The following TRPC4 variants were observed in gnomAD, a reference collection of about 807,000 sequenced individuals.
TRPC4 encodes short transient receptor potential channel 4.
TRPC4 carries 49 observed loss-of-function variants against 99.4 expected under a neutral mutation model. The ratio of observed to expected loss-of-function variants is 0.49; its 90% CI spans 0.39 to 0.63. The LOEUF (loss-of-function observed/expected upper bound fraction) is 0.63. Among genes scored for constraint, TRPC4 ranks in the 20% least tolerant of loss-of-function variants. TRPC4 has a pLI of 0.00. For synonymous variants in TRPC4, 454 were observed against 425.9 expected (o/e 1.07, Z -0.81); for missense variants, 898 against 1,152.9 (o/e 0.78, Z 3.20).
chr13:37,823,193 T>C (rs1419681006), intron 1 of TRPC4, among the ~76,000 whole-genome samples: 1 of 148,926 alleles, frequency 6.7e-6, no homozygotes, highest in Admixed American at 6.7e-5. Context: ...ATGAGTAGGT[T>C]GCGAAAATTT....
chr13:37,850,752 C>A (rs1260468620), intron 1 of TRPC4, among the ~76,000 whole-genome samples: 1 of 152,068 alleles, frequency 6.6e-6, no homozygotes, highest in Non-Finnish European at 1.5e-5. Flanking sequence ...AATAAATTAA[C>A]TTTTCTTAAA....
At chr13:37,713,110 C>T (rs1954538118) in intron 3 of TRPC4, among the ~76,000 whole-genome samples, 1 of 152,084 alleles carries the variant, frequency 6.6e-6, no homozygotes, top group South Asian at 2.1e-4. Context: ...ACCATGGAAG[C>T]CAGGTGAATT....
At position 37,812,176 on chromosome 13, in the gene TRPC4, C is replaced by CAAAAAAAAAAAAAAAAAAAAAAAAAAAAA. The variant is rs61607544; in HGVS notation, c.-27-28817_-27-28816insTTTTTTTTTTTTTTTTTTTTTTTTTTTTT. On this transcript the variant is annotated intron_variant, in intron 1 of 10. Coordinates refer to ENST00000379705, the MANE Select transcript of TRPC4 (RefSeq NM_016179.4). Reference sequence around the variant, plus strand: ...CCTAGGCAACAGACTGAGACTCTATCAAAAAAAAAAAAAAAAAAACCAGGA... The same window carrying CAAAAAAAAAAAAAAAAAAAAAAAAAAAAA: ...CCTAGGCAACAGACTGAGACTCTATCAAAAAAAAAAAAAAAAAAAAAAAAAAAAAAAAAAAAAAAAAAAAAAAACCAGGA... 1.1e-3 allele frequency among the ~76,000 whole-genome samples: 59 copies of CAAAAAAAAAAAAAAAAAAAAAAAAAAAAA among 55,152 alleles called. 6 individuals are homozygous for CAAAAAAAAAAAAAAAAAAAAAAAAAAAAA. Among genetic ancestry groups the CAAAAAAAAAAAAAAAAAAAAAAAAAAAAA allele is most frequent in the African/African-American group, 1.8e-3 (23 of 12,690 alleles). 36.2% of individuals were successfully genotyped at this position (55,152 alleles called of 152,430 possible).
intron 3 of TRPC4, among the ~76,000 whole-genome samples, chr13:37,732,966 AAAAAC>A (rs994846824): frequency 1.3e-5 from 2 of 152,200 alleles, no homozygotes; most frequent in Admixed American, 6.5e-5. Flanking sequence ...ATAGGAAATG[AAAAAC>A]AAAACAAAAC....
intron 2 of TRPC4, among the ~76,000 whole-genome samples, chr13:37,752,691 G>A (rs551786353): frequency 1.3e-5 from 2 of 151,732 alleles, no homozygotes; most frequent in East Asian, 3.9e-4. Context: ...ATGGTCTTTG[G>A]GGTATACAGA....
At chr13:37,765,291 T>C (rs1475179019) in intron 2 of TRPC4, among the ~76,000 whole-genome samples, 1 of 151,418 alleles carries the variant, frequency 6.6e-6, no homozygotes, top group Non-Finnish European at 1.5e-5. Context: ...GAATGAACAC[T>C]AGGCTTAAAA....
At chr13:37,808,941 A>G (rs926172034) in intron 1 of TRPC4, among the ~76,000 whole-genome samples, 23 of 152,114 alleles carry the variant, frequency 1.5e-4, no homozygotes, top group Non-Finnish European at 3.2e-4. Flanking sequence ...TTCCTACATC[A>G]TAGTGGTAAG....
intron 4 of TRPC4, among the ~76,000 whole-genome samples, chr13:37,682,811 T>G (rs544422938): frequency 6.6e-6 from 1 of 152,044 alleles, no homozygotes; most frequent in African/African-American, 2.4e-5. Context: ...AGTGTAGTGG[T>G]GCATTATATC....
rs1166790179 is a variant in TRPC4, at chr13:37,635,077, A to G, written c.*1826T>C. Among the ~76,000 whole-genome samples, 1 of 152,168 alleles carries G rather than the reference A, an allele frequency of 6.6e-6. No homozygotes were observed. The highest frequency in any genetic ancestry group is 1.5e-5 in the Non-Finnish European group (1 of 68,020). On this transcript the variant is annotated 3_prime_UTR_variant, in exon 11 of 11. Transcript: ENST00000379705. ...TACTAACTTTAATGTAATTTAGTCT[A>G]AAGAATCAAATACAGCACATTTTAT... is the stretch of plus-strand genomic sequence containing the variant.
intron 3 of TRPC4, among the ~76,000 whole-genome samples, chr13:37,745,528 GT>G: frequency 1.4e-5 from 1 of 72,882 alleles, no homozygotes; most frequent in South Asian, 4.7e-4. Flanking sequence ...ACGTATATAT[GT>G]ATATATACGT....
intron 2 of TRPC4, among the ~76,000 whole-genome samples, chr13:37,751,459 T>C (rs1955931568): frequency 1.3e-5 from 2 of 152,108 alleles, no homozygotes; most frequent in Admixed American, 1.3e-4. Flanking sequence ...GTTAACCAGC[T>C]AATAGAATAG....
intron 5 of TRPC4, among the ~76,000 whole-genome samples, chr13:37,665,329 AT>A (rs1952604844): frequency 6.6e-6 from 1 of 152,072 alleles, no homozygotes; most frequent in African/African-American, 2.4e-5. Context: ...CTTGAGAAAT[AT>A]CCCCCTATGT....
chr13:37,748,735 T>A (rs1164650269), intron 2 of TRPC4, among the ~76,000 whole-genome samples: 1 of 152,130 alleles, frequency 6.6e-6, no homozygotes, highest in Admixed American at 6.6e-5. Context: ...GAAAATTTTA[T>A]TTTAAAAATA....
chr13:37,868,857 C>T (rs768518124), intron 1 of TRPC4, among the ~76,000 whole-genome samples: 1 of 152,132 alleles, frequency 6.6e-6, no homozygotes, highest in Non-Finnish European at 1.5e-5. Context: ...CTCCTAAACC[C>T]TCGATGCCTT....
intron 4 of TRPC4, among the ~76,000 whole-genome samples, chr13:37,689,079 G>A (rs1006611067): frequency 6.6e-6 from 1 of 152,072 alleles, no homozygotes; most frequent in Admixed American, 6.5e-5. Context: ...TCTTTAGCCT[G>A]GCTCTCCCCT....
At chr13:37,773,757 T>C (rs968240313) in intron 2 of TRPC4, among the ~76,000 whole-genome samples, 4 of 151,822 alleles carry the variant, frequency 2.6e-5, no homozygotes, top group Non-Finnish European at 4.4e-5. Context: ...TACTGAATTT[T>C]TTGGTAGCAA....
intron 1 of TRPC4, among the ~76,000 whole-genome samples, chr13:37,823,102 AC>A (rs1399515539): frequency 1.3e-5 from 2 of 151,292 alleles, no homozygotes; most frequent in South Asian, 4.2e-4. Context: ...TCCTTCACCC[AC>A]TTTTTGATGG....
At chr13:37,656,911 G>A (rs1162768112) in intron 6 of TRPC4, among the ~76,000 whole-genome samples, 1 of 152,158 alleles carries the variant, frequency 6.6e-6, no homozygotes. Context: ...CTTGCTCTAG[G>A]TTCTGCCCTT....
intron 1 of TRPC4, among the ~76,000 whole-genome samples, chr13:37,842,983 C>A (rs1377065662): frequency 1.3e-5 from 2 of 152,110 alleles, no homozygotes; most frequent in African/African-American, 4.8e-5. Context: ...AGATATCATA[C>A]CTGCTAAGGC....
Sources: allele counts gnomAD v4.1 joint callset (sites outside exome capture counted in the v4.1 genomes callset), GRCh38; gene constraint gnomAD v4.1.1; transcripts MANE v1.5; gene names NCBI Gene and HGNC (gene_info 2026-07-23, HGNC 2026-07-21).